The following IL1RAPL1 variants were observed in gnomAD, a reference collection of about 807,000 sequenced individuals.
IL1RAPL1 encodes the protein interleukin 1 receptor accessory protein like 1.
In IL1RAPL1, 3 loss-of-function variants were observed where a neutral mutation model predicts 48.4. The ratio of observed to expected loss-of-function variants is 0.06; its 90% CI spans 0.03 to 0.16. IL1RAPL1 has a LOEUF of 0.16. Among genes scored for constraint, IL1RAPL1 ranks in the 10% least tolerant of loss-of-function variants. The pLI is 1.00. For synonymous variants in IL1RAPL1, 185 were observed against 187.7 expected (o/e 0.99, Z 0.12); for missense variants, 349 against 530.6 (o/e 0.66, Z 3.36).
At chrX:29,802,975 A>G (rs1160522731) in intron 6 of IL1RAPL1, among the ~76,000 whole-genome samples, 308 of 79,167 alleles carry the variant, frequency 3.9e-3, no homozygotes, top group Non-Finnish European at 4.5e-3. Context: ...GTACATATAT[A>G]CATACATGTG....
At chrX:28,706,420 C>CT (rs199806459) in intron 1 of IL1RAPL1, among the ~76,000 whole-genome samples, 1,302 of 102,664 alleles carry the variant, frequency 0.013, 13 homozygotes, top group African/African-American at 0.036. Context: ...TCTTTCTTTT[C>CT]TTTTTTTTTT....
intron 3 of IL1RAPL1, among the ~76,000 whole-genome samples, chrX:29,292,897 G>T (rs1932392284): frequency 9.0e-6 from 1 of 111,107 alleles, no homozygotes; most frequent in African/African-American, 3.3e-5. Flanking sequence ...TTCAAGTTTG[G>T]ATGTAGAGTC....
intron 5 of IL1RAPL1, among the ~76,000 whole-genome samples, chrX:29,596,286 T>C (rs1363532594): frequency 8.9e-6 from 1 of 112,097 alleles, no homozygotes; most frequent in African/African-American, 3.2e-5. Flanking sequence ...GGAATTTTGA[T>C]GGAAATTGCA....
intron 2 of IL1RAPL1, among the ~76,000 whole-genome samples, chrX:29,094,064 A>G (rs1293108608): frequency 8.9e-6 from 1 of 111,922 alleles, no homozygotes; most frequent in East Asian, 2.8e-4. Context: ...TGTCTACCTC[A>G]CCTGGTTTAA....
At chrX:29,803,334 C>A (rs1930123750) in intron 6 of IL1RAPL1, among the ~76,000 whole-genome samples, 1 of 61,922 alleles carries the variant, frequency 1.6e-5, no homozygotes, top group Admixed American at 1.8e-4. Context: ...TACATGTATA[C>A]ACATATGTAT....
intron 5 of IL1RAPL1, among the ~76,000 whole-genome samples, chrX:29,630,461 T>C (rs973992935): frequency 1.8e-5 from 2 of 111,944 alleles, no homozygotes; most frequent in Admixed American, 9.5e-5. Flanking sequence ...TTATTAAGAA[T>C]TGTCAATACA....
intron 2 of IL1RAPL1, among the ~76,000 whole-genome samples, chrX:29,133,320 A>G (rs1387860969): frequency 8.9e-6 from 1 of 112,081 alleles, no homozygotes; most frequent in Non-Finnish European, 1.9e-5. Context: ...GGGGGAAACA[A>G]GGACCCTGAA....
chrX:28,896,143 G>T (rs1213934949), intron 2 of IL1RAPL1, among the ~76,000 whole-genome samples: 1 of 112,051 alleles, frequency 8.9e-6, no homozygotes, highest in Admixed American at 9.4e-5. Context: ...TGTGGCTGGG[G>T]TTTGTCTCAC....
Position 29,516,161 on chromosome X carries a change from T to G in IL1RAPL1, c.703+116853T>G, listed in dbSNP as rs1935443578. 2.7e-5 allele frequency among the ~76,000 whole-genome samples: 3 copies of G among 112,196 alleles called. No homozygotes were observed. The South Asian group carries it at 1.1e-3, about 41-fold the overall frequency. On this transcript the variant is annotated intron_variant, in intron 5 of 10. Transcript: ENST00000378993. ...GCCTATATTGGGCTGTAGGAAATAC[T>G]TACTTAGCTACGTATTTTATACAAA...
intron 2 of IL1RAPL1, among the ~76,000 whole-genome samples, chrX:29,277,700 C>G (rs1275203278): frequency 2.7e-5 from 3 of 111,779 alleles, no homozygotes; most frequent in Non-Finnish European, 5.6e-5. Flanking sequence ...GGTTGAGTAT[C>G]CTTTTTTTCT....
intron 1 of IL1RAPL1, among the ~76,000 whole-genome samples, chrX:28,711,077 G>A (rs531913596): frequency 3.9e-4 from 44 of 112,086 alleles, no homozygotes; most frequent in Non-Finnish European, 7.1e-4. Flanking sequence ...AAGGAAGAGG[G>A]GAATCGTGCA....
chrX:28,736,685 G>A (rs956021061), intron 1 of IL1RAPL1, among the ~76,000 whole-genome samples: 1 of 111,901 alleles, frequency 8.9e-6, no homozygotes, highest in Non-Finnish European at 1.9e-5. Flanking sequence ...GACAGCCTGT[G>A]CAATTATTCA....
At chrX:28,650,071 A>T (rs748607172) in intron 1 of IL1RAPL1, among the ~76,000 whole-genome samples, 2 of 111,814 alleles carry the variant, frequency 1.8e-5, no homozygotes, top group East Asian at 5.7e-4. Flanking sequence ...GTTTGGGGGA[A>T]GTCAAAACCA....
chrX:29,060,660 C>A (rs1180392883), intron 2 of IL1RAPL1, among the ~76,000 whole-genome samples: 1 of 111,565 alleles, frequency 9.0e-6, no homozygotes, highest in African/African-American at 3.3e-5. Context: ...TCCTCAAACA[C>A]CTTAAATTTA....
chrX:29,776,172 G>A (rs900415190), intron 6 of IL1RAPL1, among the ~76,000 whole-genome samples: 11 of 111,199 alleles, frequency 9.9e-5, no homozygotes, highest in Non-Finnish European at 1.5e-4. Flanking sequence ...AATAAGACGC[G>A]TCAGCTTTAC....
At chrX:28,781,326 T>G (rs1936421620) in intron 1 of IL1RAPL1, among the ~76,000 whole-genome samples, 1 of 108,984 alleles carries the variant, frequency 9.2e-6, no homozygotes, top group Admixed American at 9.9e-5. Context: ...TTATTTTTTT[T>G]TGTGGTTTTA....
chrX:29,454,517 T>C (rs16988555), intron 5 of IL1RAPL1, among the ~76,000 whole-genome samples: 2,025 of 111,217 alleles, frequency 0.018, 43 homozygotes, highest in African/African-American at 0.062. Context: ...GTGCACCACA[T>C]ATCATAGCAA....
chrX:29,100,556 A>T (rs1928314103), intron 2 of IL1RAPL1, among the ~76,000 whole-genome samples: 1 of 112,105 alleles, frequency 8.9e-6, no homozygotes, highest in South Asian at 3.7e-4. Flanking sequence ...ATACTAAGTT[A>T]TATTGTAGTT....
At chrX:29,158,657 G>T (rs750582029) in intron 2 of IL1RAPL1, among the ~76,000 whole-genome samples, 1 of 111,286 alleles carries the variant, frequency 9.0e-6, no homozygotes, top group South Asian at 3.8e-4. Flanking sequence ...GATTACAGGC[G>T]TGAGCCACCA....
Sources: gnomAD v4.1 joint callset for allele counts (sites outside exome capture counted in the v4.1 genomes callset) on GRCh38, gnomAD v4.1.1 for gene constraint, MANE v1.5 for transcripts, NCBI Gene and HGNC (gene_info 2026-07-23, HGNC 2026-07-21) for gene names.